ARHGAP30: variants seen among roughly 807,000 people sequenced by gnomAD.
The protein encoded by ARHGAP30 is Rho GTPase activating protein 30.
Under a neutral mutation model 72.0 loss-of-function variants are expected in ARHGAP30, and 23 were observed. That is an observed-to-expected ratio of 0.32 (90% CI 0.23 to 0.45). The LOEUF is 0.45. Ranked by LOEUF, ARHGAP30 falls within the 20% of genes least tolerant of loss-of-function variation. ARHGAP30 has a pLI of 1.00. For synonymous variants in ARHGAP30, 576 were observed against 528.2 expected (o/e 1.09, Z -1.24); for missense variants, 1,319 against 1,383.4 (o/e 0.95, Z 0.74).
At chr1:161,064,787 G>GAAAGAAAGAAAGA (rs1652584678) in intron 1 of ARHGAP30, among the ~76,000 whole-genome samples, 1 of 62,826 alleles carries the variant, frequency 1.6e-5, no homozygotes, top group East Asian at 3.9e-4. Flanking sequence ...GAAAAAGAAA[G>GAAAGAAAGAAAGA]AAAGAAAGAA....
In ARHGAP30 at chr1:161,056,682, G is replaced by C; in HGVS notation, c.201-150C>G. On this transcript the variant is annotated intron_variant, in intron 2 of 11. Coordinates refer to ENST00000368013, the MANE Select transcript of ARHGAP30 (RefSeq NM_001025598.2). The stretch of plus-strand genomic sequence containing the variant: ...TTGGGACACGTACACATGTAAGCCA[G>C]TAAGTATAAGATATTGCATATGTTG... 3 of 813,390 alleles carry C rather than the reference G, an allele frequency of 3.7e-6. No homozygotes were observed. The South Asian group carries it at 5.6e-5, about 15-fold the overall frequency. The allele number at this position is 813,390 out of a possible 1,614,324, so 50.4% of individuals were successfully genotyped here.
intron 1 of ARHGAP30, among the ~76,000 whole-genome samples, chr1:161,066,855 C>A (rs1042352737): frequency 3.9e-5 from 6 of 152,058 alleles, no homozygotes; most frequent in Non-Finnish European, 8.8e-5. Flanking sequence ...AGAGATAGGG[C>A]AGGCCCCTCC....
chr1:161,049,107 T>G lies in ARHGAP30; in HGVS notation c.1914A>C (p.Ala638=). The G allele has an allele frequency of 6.2e-7, 1 of 1,614,112 alleles. No homozygotes were observed. The highest frequency in any genetic ancestry group is 8.5e-7 in the Non-Finnish European group (1 of 1,179,992). The change falls in exon 12 of 12, where the codon GCA becomes GCC. Residue 638 remains alanine, a synonymous_variant. Coordinates refer to ENST00000368013, the MANE Select transcript of ARHGAP30 (RefSeq NM_001025598.2). ...GTCCCAGAGCCTGCCTTCCACATCC[T>G]GCTGCCTCTCCCTCCAGACTCCCTG... ...KGSGSLEGEA[A]GCGRQALGQG...
Position 161,048,743 on chromosome 1 carries a change from C to T in ARHGAP30, c.2278G>A (p.Glu760Lys), listed in dbSNP as rs1429155305. The change falls in exon 12 of 12, where the codon GAA becomes AAA. Residue 760 changes from glutamate to lysine, a missense_variant. Physicochemically the swap from Glu to Lys is moderately conservative, Grantham distance 56. This residue lies in a region of ARHGAP30 where 1,097 missense variants were observed against 1,045.2 expected (regional missense o/e 1.05). Coordinates refer to ENST00000368013, the MANE Select transcript of ARHGAP30 (RefSeq NM_001025598.2). ...TCCCTTCCAGCTTCTACCTGGGCTT[C>T]CTCTCTTTGTTCATCCTCTTCTCTC... is the stretch of plus-strand genomic sequence containing the variant. ...IEREEDEQRE[E>K]AQVEAGRDLE... The T allele has an allele frequency of 6.2e-7, 1 of 1,614,122 alleles. No homozygotes were observed. Among genetic ancestry groups the T allele is most frequent in the Admixed American group, 1.7e-5 (1 of 60,014 alleles).
At position 161,047,906 on chromosome 1, in the gene ARHGAP30, T is replaced by G; in HGVS notation, c.3115A>C (p.Ile1039Leu). 1 of 1,612,686 alleles carries G rather than the reference T, an allele frequency of 6.2e-7. No individual in the cohort carries two copies. The highest frequency in any genetic ancestry group is 8.5e-7 in the Non-Finnish European group (1 of 1,179,284). ...AGGGGCCGAGGAGAATGGGCAGAGA[T>G]CATGCTACAAGGGGAGGTTCTGGGG... ...LIPRTSPCSM[I>L]SAHSPRPLSC... Residue 1039 changes from isoleucine to leucine, a missense_variant, in exon 12 of 12, where the codon ATC becomes CTC. Coordinates refer to ENST00000368013, the MANE Select transcript of ARHGAP30 (RefSeq NM_001025598.2).
At position 161,051,505 on chromosome 1, in the gene ARHGAP30, A is replaced by T; in HGVS notation, c.1229T>A (p.Val410Asp). The T allele has an allele frequency of 6.2e-7, 1 of 1,614,238 alleles. No homozygotes were observed. The highest frequency in any genetic ancestry group is 1.1e-5 in the South Asian group (1 of 91,092). The change falls in exon 10 of 12, where the codon GTC becomes GAC. Residue 410 changes from valine to aspartate, a missense_variant. Physicochemically the swap from Val to Asp is radical, Grantham distance 152 (BLOSUM62 -3). This residue lies in a region of ARHGAP30 where 1,097 missense variants were observed against 1,045.2 expected (regional missense o/e 1.05). Transcript: ENST00000368013. ...GACATTGTAGGGGTCTGAGATGTGGACACCAGCACAGCGTTCTGCACGGCT... is the reference window on the plus strand; with the variant it reads ...GACATTGTAGGGGTCTGAGATGTGGTCACCAGCACAGCGTTCTGCACGGCT... ...GSSRAERCAG[V>D]HISDPYNVNL...
chr1:161,062,794 A>G (rs577192588), intron 1 of ARHGAP30, among the ~76,000 whole-genome samples: 15 of 150,854 alleles, frequency 9.9e-5, no homozygotes, highest in African/African-American at 3.2e-4. Flanking sequence ...TCTTATATCT[A>G]TATTATAATT....
At position 161,047,993 on chromosome 1, in the gene ARHGAP30, T is replaced by A; in HGVS notation, c.3028A>T (p.Thr1010Ser). ...GTTCGCCGAACTCCTTGAGCCTCAG[T>A]CCTTTGGCGGTCCCGGGCTAGGGCC... ...AVALARDRQR[T>S]EAQGVRRTQT... The change falls in exon 12 of 12, where the codon ACT (threonine) becomes TCT (serine). Residue 1010 changes from threonine (T) to serine (S), a missense_variant. Thr to Ser is a moderately conservative substitution (Grantham distance 58). Transcript: ENST00000368013. 1 of 1,614,088 alleles carries A rather than the reference T, an allele frequency of 6.2e-7. No individual in the cohort carries two copies. The highest frequency in any genetic ancestry group is 8.5e-7 in the Non-Finnish European group (1 of 1,180,018).
chr1:161,063,534 C>T lies in ARHGAP30; in HGVS notation c.98-3818G>A, dbSNP rs546647303. On this transcript the variant is annotated intron_variant, in intron 1 of 11. Transcript: ENST00000368013. ...AAGGATGTATATCGTCTCAGGACCC[C>T]GTAATAATTGCGTTAACTACACAAA... 5.3e-5 allele frequency among the ~76,000 whole-genome samples: 8 copies of T among 152,208 alleles called. No individual in the cohort carries two copies. In the East Asian group the frequency reaches 5.8e-4, roughly 11 times the overall value.
At chr1:161,055,097 G>A (rs1651724010) in intron 3 of ARHGAP30, among the ~76,000 whole-genome samples, 1 of 152,170 alleles carries the variant, frequency 6.6e-6, no homozygotes, top group Non-Finnish European at 1.5e-5. Flanking sequence ...GGTGCTGCTA[G>A]GATTTAGGGT....
rs1303038644 is a variant in ARHGAP30 at position 161,047,667 on chromosome 1, G to A, written c.*48C>T. On this transcript the variant is annotated 3_prime_UTR_variant, in exon 12 of 12. Coordinates refer to ENST00000368013, the MANE Select transcript of ARHGAP30 (RefSeq NM_001025598.2). ...GAGACAGCTAGTCAGGAACCCTGGA[G>A]ATTCAAGACAACTTGCTGGTCCCCT... The A allele has an allele frequency of 1.3e-6, 2 of 1,490,432 alleles. No individual in the cohort carries two copies. The allele number at this position is 1,490,432 out of a possible 1,614,324, so 92.3% of individuals were successfully genotyped here. A position where few individuals can be genotyped will look rare whatever the true frequency, so the allele number is the denominator to read the frequency against.
At chr1:161,062,728 CA>C (rs796868565) in intron 1 of ARHGAP30, among the ~76,000 whole-genome samples, 146 of 141,542 alleles carry the variant, frequency 1.0e-3, no homozygotes, top group African/African-American at 3.4e-3. Context: ...GATTCCGTGT[CA>C]AAAAAAAAAG....
In ARHGAP30 at chr1:161,048,179, T is replaced by G. The variant is rs1651018038; in HGVS notation, c.2842A>C (p.Lys948Gln). The G allele has an allele frequency of 6.2e-7, 1 of 1,614,066 alleles. No individual in the cohort carries two copies. Among genetic ancestry groups the G allele is most frequent in the South Asian group, 1.1e-5 (1 of 91,088 alleles). Residue 948 changes from lysine (K) to glutamine (Q), a missense_variant, in exon 12 of 12, where the codon AAG becomes CAG. Transcript: ENST00000368013. Reference protein sequence around the residue: ...PVVPPKPQFAKMPSAMCSKIH... With the variant: ...PVVPPKPQFAQMPSAMCSKIH... ...TTGCTACACATTGCACTGGGCATCTTGGCAAACTGTGGCTTGGGGGGCACC... is the reference window on the plus strand; with the variant it reads ...TTGCTACACATTGCACTGGGCATCTGGGCAAACTGTGGCTTGGGGGGCACC...
chr1:161,050,365 CTCAGCTCACTG>C (rs1417087194), intron 10 of ARHGAP30, among the ~76,000 whole-genome samples: 4 of 139,676 alleles, frequency 2.9e-5, no homozygotes, highest in Non-Finnish European at 6.1e-5. Flanking sequence ...GTGGCGCAAT[CTCAGCTCACTG>C]CAACCTCCAC....
At chr1:161,054,272 A>G (rs1651666299) in intron 5 of ARHGAP30, 94 bp downstream of exon 5, 1 of 1,150,060 alleles carries the variant, frequency 8.7e-7, no homozygotes, top group Non-Finnish European at 1.3e-6. Flanking sequence ...ACCCTTCTCC[A>G]GTGTACCCAC....
At chr1:161,054,258 C>T in intron 5 of ARHGAP30, 108 bp downstream of exon 5, 1 of 1,026,310 alleles carries the variant, frequency 9.7e-7, no homozygotes. Flanking sequence ...TTTGTGAGCC[C>T]TACACCCTTC....
At position 161,048,517 on chromosome 1, in the gene ARHGAP30, C is replaced by T. The variant is rs746851735; in HGVS notation, c.2504G>A (p.Ser835Asn). ...TCCATCCCCACTCTCCCGTTCCTTG[C>T]TGACCTCCCCTGCTCCTCCTTCAGT... ...AATEGGAGEV[S>N]KERESGDGEA... is the part of the protein sequence containing the mutation. The change falls in exon 12 of 12, where the codon AGC becomes AAC. Residue 835 changes from serine (S) to asparagine (N), a missense_variant. Physicochemically the swap from Ser to Asn is conservative, Grantham distance 46 (BLOSUM62 1). Coordinates refer to ENST00000368013, the MANE Select transcript of ARHGAP30 (RefSeq NM_001025598.2). 6.2e-7 allele frequency: 1 copy of T among 1,614,028 alleles called. No homozygotes were observed. Among genetic ancestry groups the T allele is most frequent in the Non-Finnish European group, 8.5e-7 (1 of 1,180,032 alleles).
intron 2 of ARHGAP30, among the ~76,000 whole-genome samples, chr1:161,057,026 C>A (rs973262849): frequency 6.6e-6 from 1 of 152,076 alleles, no homozygotes; most frequent in Non-Finnish European, 1.5e-5. Flanking sequence ...AGCCAAAAGT[C>A]ACCATTAAAA....
At chr1:161,053,463 T>TCTCTCC in intron 5 of ARHGAP30, 78 bp from the exon 6 acceptor site, 27 of 296,948 alleles carry the variant, frequency 9.1e-5, no homozygotes, top group Non-Finnish European at 5.3e-5. Context: ...AATACCTTAT[T>TCTCTCC]CTCTCTCTCT....
Sources: allele counts gnomAD v4.1 joint callset (sites outside exome capture counted in the v4.1 genomes callset), GRCh38; gene constraint gnomAD v4.1.1; regional missense constraint gnomAD v4.1.1; transcripts MANE v1.5; gene names NCBI Gene and HGNC (gene_info 2026-07-23, HGNC 2026-07-21).